Variants in RIPOR2 observed in about 807,000 individuals in gnomAD.
RIPOR2 encodes the protein rho family-interacting cell polarization regulator 2.
RIPOR2 carries 39 observed loss-of-function variants against 114.5 expected under a neutral mutation model. The observed-to-expected ratio is 0.34, with a 90% CI of 0.26 to 0.44. The LOEUF (loss-of-function observed/expected upper bound fraction) is 0.44, where lower values mean the gene tolerates loss of function less well. RIPOR2 is among the 20% of genes least tolerant of loss of function. The pLI is 1.00. For missense variants in RIPOR2, 1,007 were observed against 1,255.1 expected, an observed-to-expected ratio of 0.80 and a Z score of 2.99; for synonymous variants, 445 against 484.4, an observed-to-expected ratio of 0.92 and a Z score of 1.07.
intron 11 of RIPOR2, among the ~76,000 whole-genome samples, chr6:24,848,925 A>G (rs1762584026): frequency 6.6e-6 from 1 of 152,046 alleles, no homozygotes; most frequent in Non-Finnish European, 1.5e-5. Context: ...TTTTTTGGAG[A>G]TGGAGTTTTG....
At chr6:25,003,531 G>A (rs1354974244) in intron 1 of RIPOR2, among the ~76,000 whole-genome samples, 1 of 151,952 alleles carries the variant, frequency 6.6e-6, no homozygotes, top group Non-Finnish European at 1.5e-5. Context: ...CTGGGCTCAA[G>A]TGATCCTTGC....
rs1210578940 is a variant in RIPOR2 at position 24,835,738 on chromosome 6, C to T, written c.2173G>A (p.Val725Ile). Residue 725 changes from valine to isoleucine, a missense_variant, in exon 15 of 22, where the codon GTC becomes ATC. Val to Ile is a conservative substitution (Grantham distance 29). Coordinates refer to ENST00000643898, the MANE Select transcript of RIPOR2 (RefSeq NM_001286445.3). ...TGNESLDITI[V>I]RHLQYCTQLV... ...TGGGTGCAGTACTGGAGGTGCCTGA[C>T]GATGGTGATGTCCAGGCTCTCGTTG... 1.5e-5 allele frequency: 23 copies of T among 1,551,498 alleles called. No individual in the cohort carries two copies. The highest frequency in any genetic ancestry group is 3.6e-5 in the South Asian group (3 of 84,052).
At chr6:24,835,975 G>T in intron 14 of RIPOR2, 104 bp from the exon 15 acceptor site, 1 of 1,026,220 alleles carries the variant, frequency 9.7e-7, no homozygotes, top group Non-Finnish European at 1.4e-6. Flanking sequence ...ACTGAAAACA[G>T]TCTTTCACTT....
In RIPOR2 at chr6:24,826,500, T is replaced by C. The variant is rs547227254; in HGVS notation, c.2666-1072A>G. ...AAATTTGTGATTTATTTAGATTTTT[T>C]TTTTTTGCTTAATTTCCTATTTTCC... On this transcript the variant is annotated intron_variant, in intron 18 of 21. Coordinates refer to ENST00000643898, the MANE Select transcript of RIPOR2 (RefSeq NM_001286445.3). Among the ~76,000 whole-genome samples the C allele has an allele frequency of 2.8e-4, 43 of 152,156 alleles. 1 individual carries two copies. Among genetic ancestry groups the C allele is most frequent in the African/African-American group, 1.0e-3 (43 of 41,528 alleles).
intron 13 of RIPOR2, among the ~76,000 whole-genome samples, chr6:24,841,308 T>TC (rs1761690787): frequency 6.6e-6 from 1 of 152,178 alleles, no homozygotes; most frequent in Non-Finnish European, 1.5e-5. Context: ...AAGATAGGTG[T>TC]TTAGTAGAAT....
intron 4 of RIPOR2, among the ~76,000 whole-genome samples, chr6:24,871,413 A>G (rs1765157928): frequency 6.6e-6 from 1 of 152,236 alleles, no homozygotes; most frequent in Non-Finnish European, 1.5e-5. Flanking sequence ...GTGCAGTGGC[A>G]CGATCTCGGC....
chr6:24,895,977 C>G (rs113988501), intron 1 of RIPOR2, among the ~76,000 whole-genome samples: 11 of 151,886 alleles, frequency 7.2e-5, no homozygotes, highest in African/African-American at 2.7e-4. Context: ...GGGAACAGAG[C>G]GAGACTCCGT....
At chr6:24,981,316 G>A (rs911626945) in intron 1 of RIPOR2, among the ~76,000 whole-genome samples, 7 of 152,172 alleles carry the variant, frequency 4.6e-5, no homozygotes, top group African/African-American at 1.7e-4. Flanking sequence ...TGCTTACCCT[G>A]CGCACTTTTT....
At chr6:24,994,865 C>T (rs545501452) in intron 1 of RIPOR2, among the ~76,000 whole-genome samples, 1 of 152,324 alleles carries the variant, frequency 6.6e-6, no homozygotes, top group African/African-American at 2.4e-5. Flanking sequence ...ATCTCTGTCT[C>T]TCTCTTCCCA....
chr6:25,030,648 T>G (rs932525608), intron 1 of RIPOR2, among the ~76,000 whole-genome samples: 2 of 152,180 alleles, frequency 1.3e-5, no homozygotes, highest in Non-Finnish European at 2.9e-5. Flanking sequence ...TTATGAGATA[T>G]TCTGGCTTTT....
At chr6:24,819,641 G>GC (rs1759490136) in intron 19 of RIPOR2, among the ~76,000 whole-genome samples, 2 of 140,250 alleles carry the variant, frequency 1.4e-5, no homozygotes, top group African/African-American at 5.1e-5. Context: ...GATTACAGGT[G>GC]CCCACCACCA....
chr6:24,977,011 G>C, intron 1 of RIPOR2: 1 of 1,493,804 alleles, frequency 6.7e-7, no homozygotes, highest in Non-Finnish European at 9.2e-7. Flanking sequence ...TTAACCACCA[G>C]ATCATTCCTT....
At chr6:24,870,729 G>T (rs755411206) in intron 5 of RIPOR2, 137 bp downstream of exon 5, 2 of 597,428 alleles carry the variant, frequency 3.3e-6, no homozygotes, top group Non-Finnish European at 5.8e-6. Context: ...GCCCAGGCAG[G>T]TCTCAAACTC....
intron 1 of RIPOR2, among the ~76,000 whole-genome samples, chr6:24,993,533 CCAG>C (rs1774925217): frequency 6.6e-6 from 1 of 152,200 alleles, no homozygotes; most frequent in Non-Finnish European, 1.5e-5. Context: ...GCTTTTTTAT[CCAG>C]CTTGCCACTC....
At chr6:24,912,206 A>G (rs1769679933) in intron 1 of RIPOR2, among the ~76,000 whole-genome samples, 1 of 152,232 alleles carries the variant, frequency 6.6e-6, no homozygotes. Context: ...GGCAGGGACC[A>G]TCTCTGTCTG....
chr6:24,839,702 T>C, intron 13 of RIPOR2: 1 of 1,495,044 alleles, frequency 6.7e-7, no homozygotes, highest in Admixed American at 2.5e-5. Flanking sequence ...GCTATATCCC[T>C]CTGCCTAGTG....
chr6:24,953,621 C>T (rs901464167), intron 1 of RIPOR2, among the ~76,000 whole-genome samples: 1 of 152,192 alleles, frequency 6.6e-6, no homozygotes, highest in Non-Finnish European at 1.5e-5. Flanking sequence ...TCTCACCTTT[C>T]CCTCATCCTT....
At chr6:24,892,370 A>G (rs189363289) in intron 1 of RIPOR2, among the ~76,000 whole-genome samples, 101 of 152,316 alleles carry the variant, frequency 6.6e-4, no homozygotes, top group South Asian at 5.6e-3. Context: ...TCCTGGGCTC[A>G]AGTGATTCTC....
chr6:24,898,404 G>A (rs1344716455), intron 1 of RIPOR2: 19 of 152,148 alleles, frequency 1.2e-4, no homozygotes, highest in Non-Finnish European at 2.2e-4. Flanking sequence ...AACTCACCCT[G>A]CTAATATTTT....
Sources: allele counts gnomAD v4.1 joint callset (sites outside exome capture counted in the v4.1 genomes callset), GRCh38; gene constraint gnomAD v4.1.1; transcripts MANE v1.5; gene names NCBI Gene and HGNC (gene_info 2026-07-23, HGNC 2026-07-21).